The following PCDH15 variants were observed in gnomAD, a reference collection of about 807,000 sequenced individuals.
PCDH15 encodes the protein protocadherin-15.
PCDH15 carries 129 observed loss-of-function variants against 178.5 expected under a neutral mutation model. That is an observed-to-expected ratio of 0.72 (90% confidence interval 0.63 to 0.84). The LOEUF (loss-of-function observed/expected upper bound fraction) is 0.84, where lower values mean the gene tolerates loss of function less well. Ranked by LOEUF, PCDH15 falls within the 40% of genes least tolerant of loss-of-function variation. PCDH15 has a pLI of 0.00. For synonymous variants in PCDH15, 800 were observed against 732.0 expected (o/e 1.09, Z -1.50); for missense variants, 2,230 against 2,099.9 (o/e 1.06, Z -1.21).
chr10:54,593,942 C>A (rs568475125), intron 2 of PCDH15, among the ~76,000 whole-genome samples: 1 of 151,336 alleles, frequency 6.6e-6, no homozygotes, highest in African/African-American at 2.4e-5. Flanking sequence ...ATCAGGAAGA[C>A]GGGTGTACCC....
chr10:55,067,831 C>A (rs1465064280), intron 2 of PCDH15, among the ~76,000 whole-genome samples: 1 of 151,922 alleles, frequency 6.6e-6, no homozygotes, highest in African/African-American at 2.4e-5. Context: ...TTGCATTTCC[C>A]TGATGATTAG....
chr10:54,663,116 A>G (rs2094516346), intron 2 of PCDH15, among the ~76,000 whole-genome samples: 1 of 152,090 alleles, frequency 6.6e-6, no homozygotes, highest in South Asian at 2.1e-4. Context: ...TATCTCTCAC[A>G]TTATTGAAGA....
intron 2 of PCDH15, among the ~76,000 whole-genome samples, chr10:54,572,359 T>C (rs927812800): frequency 2.0e-5 from 3 of 152,112 alleles, no homozygotes; most frequent in African/African-American, 7.2e-5. Flanking sequence ...GCTAGGAGAA[T>C]CACAAAGAGC....
At chr10:55,481,823 G>A (rs917504365) in intron 2 of PCDH15, among the ~76,000 whole-genome samples, 6 of 151,932 alleles carry the variant, frequency 3.9e-5, no homozygotes, top group Non-Finnish European at 8.8e-5. Context: ...CTTTGGGGTG[G>A]AGAGTTCTCT....
chr10:55,568,567 A>T lies in PCDH15; in HGVS notation c.-156+59058T>A, dbSNP rs1002490562. Reference sequence around the variant, plus strand: ...AAACAAATAAGAATAAATAAATAAAAAAACAAATCAAACAAAAACCCTGGC... The same window carrying T: ...AAACAAATAAGAATAAATAAATAAATAAACAAATCAAACAAAAACCCTGGC... On this transcript the variant is annotated intron_variant, in intron 2 of 5. Transcript: ENST00000613346. Among the ~76,000 whole-genome samples the T allele has an allele frequency of 2.4e-4, 36 of 152,180 alleles. 1 individual carries two copies. Among genetic ancestry groups the T allele is most frequent in the Middle Eastern group, 6.8e-3 (2 of 294 alleles).
chr10:54,803,229 C>T (rs1260278212), upstream of PCDH15, among the ~76,000 whole-genome samples: 7 of 152,106 alleles, frequency 4.6e-5, no homozygotes, highest in Admixed American at 6.5e-5. Flanking sequence ...TAAAATATAT[C>T]GTGAACATTC....
At chr10:53,878,607 T>C (rs2080460862) in intron 26 of PCDH15, among the ~76,000 whole-genome samples, 1 of 150,654 alleles carries the variant, frequency 6.6e-6, no homozygotes, top group Non-Finnish European at 1.5e-5. Context: ...TTCTTATCTC[T>C]ACTAGGGAGT....
At chr10:54,105,724 A>C (rs1374366760) in intron 15 of PCDH15, among the ~76,000 whole-genome samples, 1 of 152,144 alleles carries the variant, frequency 6.6e-6, no homozygotes, top group African/African-American at 2.4e-5. Context: ...CTTTCAATCC[A>C]ATTAAGTTGA....
intron 1 of PCDH15, among the ~76,000 whole-genome samples, chr10:54,681,400 A>G (rs985769672): frequency 6.6e-6 from 1 of 152,186 alleles, no homozygotes; most frequent in African/African-American, 2.4e-5. Flanking sequence ...AGAAAAAATC[A>G]GGACTTGCAA....
intron 1 of PCDH15, among the ~76,000 whole-genome samples, chr10:54,671,409 A>T (rs2094668676): frequency 2.0e-5 from 3 of 152,128 alleles, no homozygotes; most frequent in Admixed American, 1.3e-4. Context: ...TAAACGTAAA[A>T]GTATGAAAAT....
chr10:55,215,489 T>C (rs2120763), intron 1 of PCDH15, among the ~76,000 whole-genome samples: 53,454 of 151,934 alleles, frequency 0.35, 10,085 homozygotes, highest in African/African-American at 0.47. Context: ...TTACATTCTT[T>C]ACTTCCCTCC....
chr10:54,195,861 G>T lies in PCDH15; in HGVS notation c.1127C>A (p.Pro376His). The T allele has an allele frequency of 6.2e-7, 1 of 1,613,782 alleles. No individual in the cohort carries two copies. The highest frequency in any genetic ancestry group is 8.5e-7 in the Non-Finnish European group (1 of 1,179,804). The change falls in exon 11 of 38, where the codon CCT becomes CAT. Residue 376 changes from proline (P) to histidine (H), a missense_variant. By Grantham distance (77) the Pro-to-His change is moderately conservative. Transcript: ENST00000644397. ...KAEQDNGHPL[P>H]AFAGLHIEIL... ...TTCAATGTGTAGACCGGCAAAGGCA[G>T]GAAGAGGATGACCATTGTCTTGTTC...
intron 2 of PCDH15, among the ~76,000 whole-genome samples, chr10:55,040,742 A>T (rs1219723106): frequency 6.6e-6 from 1 of 152,094 alleles, no homozygotes; most frequent in South Asian, 2.1e-4. Flanking sequence ...GGTAAAGAAA[A>T]TGTTTCTAAA....
chr10:55,387,346 C>T (rs573922625), intron 2 of PCDH15, among the ~76,000 whole-genome samples: 1 of 152,150 alleles, frequency 6.6e-6, no homozygotes, highest in African/African-American at 2.4e-5. Flanking sequence ...CCCACTCTCA[C>T]CAGCTTCGAT....
chr10:54,301,205 A>G (rs2060130688), intron 8 of PCDH15, among the ~76,000 whole-genome samples: 1 of 152,104 alleles, frequency 6.6e-6, no homozygotes, highest in Non-Finnish European at 1.5e-5. Flanking sequence ...ACTGGAAGGA[A>G]CAAATTCTGG....
chr10:55,071,009 G>A (rs945758221), intron 2 of PCDH15, among the ~76,000 whole-genome samples: 9 of 152,056 alleles, frequency 5.9e-5, no homozygotes, highest in African/African-American at 1.9e-4. Flanking sequence ...AGCTTCATAA[G>A]TGAAGGAGAA....
chr10:54,569,830 C>A (rs1220798056), intron 2 of PCDH15, among the ~76,000 whole-genome samples: 1 of 152,102 alleles, frequency 6.6e-6, no homozygotes, highest in African/African-American at 2.4e-5. Flanking sequence ...TCACTCAAGA[C>A]TTTAAGATAC....
chr10:54,420,350 A>T (rs1849406357), intron 3 of PCDH15, among the ~76,000 whole-genome samples: 1 of 152,122 alleles, frequency 6.6e-6, no homozygotes, highest in Non-Finnish European at 1.5e-5. Flanking sequence ...CAGCAGAATT[A>T]GCCAGAATAT....
At chr10:54,834,395 T>C (rs921719443) in intron 3 of PCDH15, among the ~76,000 whole-genome samples, 3 of 151,930 alleles carry the variant, frequency 2.0e-5, no homozygotes, top group African/African-American at 7.3e-5. Flanking sequence ...GTCAGGCTGG[T>C]CTCGAACTCC....
Sources: gnomAD v4.1 joint callset for allele counts (sites outside exome capture counted in the v4.1 genomes callset) on GRCh38, gnomAD v4.1.1 for gene constraint, MANE v1.5 for transcripts, NCBI Gene and HGNC (gene_info 2026-07-23, HGNC 2026-07-21) for gene names.